The following GRM7 variants were observed in gnomAD, a reference collection of about 807,000 sequenced individuals.
GRM7 encodes metabotropic glutamate receptor 7.
In GRM7, 35 loss-of-function variants were observed where a neutral mutation model predicts 84.5. The ratio of observed to expected loss-of-function variants is 0.41; its 90% CI spans 0.32 to 0.55. The LOEUF is 0.55. GRM7 is among the 20% of genes least tolerant of loss of function. The probability of loss-of-function intolerance (pLI) is 0.19; values close to 1 mark genes in which losing one functional copy is unlikely to be tolerated. For synonymous variants in GRM7, 487 were observed against 455.1 expected (o/e 1.07, Z -0.89); for missense variants, 1,003 against 1,194.6 (o/e 0.84, Z 2.36).
At chr3:7,633,987 T>C (rs1697964871) in intron 8 of GRM7, among the ~76,000 whole-genome samples, 1 of 152,324 alleles carries the variant, frequency 6.6e-6, no homozygotes, top group Non-Finnish European at 1.5e-5. Flanking sequence ...TTCCTTTTGT[T>C]CACAAGATGC....
At chr3:6,972,912 G>T (rs1365596284) in intron 1 of GRM7, among the ~76,000 whole-genome samples, 1 of 152,170 alleles carries the variant, frequency 6.6e-6, no homozygotes, top group Non-Finnish European at 1.5e-5. Context: ...GAATCTCAGT[G>T]GCACATTTCT....
intron 1 of GRM7, among the ~76,000 whole-genome samples, chr3:6,953,874 T>G (rs1376894096): frequency 6.6e-6 from 1 of 152,048 alleles, no homozygotes. Flanking sequence ...TTATGAGAAT[T>G]AAATGAGATA....
At chr3:7,502,799 T>C (rs561845590) in intron 7 of GRM7, among the ~76,000 whole-genome samples, 2 of 152,300 alleles carry the variant, frequency 1.3e-5, no homozygotes, top group Admixed American at 6.5e-5. Context: ...ATATTAGTGA[T>C]AATAGGTTGT....
intron 1 of GRM7, among the ~76,000 whole-genome samples, chr3:6,987,156 C>A (rs567104596): frequency 6.6e-6 from 1 of 151,980 alleles, no homozygotes; most frequent in Non-Finnish European, 1.5e-5. Context: ...TTCTTCTAGC[C>A]TTCTGTGGTG....
At chr3:7,397,953 C>T (rs774578172) in intron 4 of GRM7, among the ~76,000 whole-genome samples, 12 of 151,990 alleles carry the variant, frequency 7.9e-5, no homozygotes, top group Non-Finnish European at 1.6e-4. Flanking sequence ...GGAGCCAAAA[C>T]GTGGATGCAC....
intron 1 of GRM7, among the ~76,000 whole-genome samples, chr3:6,927,483 AAG>A (rs1491406411): frequency 9.5e-6 from 1 of 105,110 alleles, no homozygotes; most frequent in Non-Finnish European, 2.3e-5. Flanking sequence ...GAAAGAAAGA[AAG>A]AAAGAAAGAA....
At chr3:6,892,335 G>A (rs569706346) in intron 1 of GRM7, among the ~76,000 whole-genome samples, 1 of 151,980 alleles carries the variant, frequency 6.6e-6, no homozygotes, top group South Asian at 2.1e-4. Context: ...CTCCTGTTGG[G>A]TCAGCGAGGC....
At chr3:7,052,546 T>A (rs1426567158) in intron 1 of GRM7, among the ~76,000 whole-genome samples, 1 of 151,494 alleles carries the variant, frequency 6.6e-6, no homozygotes, top group African/African-American at 2.4e-5. Flanking sequence ...TTGAATTTAA[T>A]CATCCCACCT....
At chr3:7,693,608 G>C (rs1238015285) in intron 9 of GRM7, 1 of 1,451,480 alleles carries the variant, frequency 6.9e-7, no homozygotes, top group African/African-American at 1.4e-5. Flanking sequence ...TCCAGACTGA[G>C]ACTTGAGCTG....
chr3:7,571,481 C>G (rs1200660674), intron 7 of GRM7, among the ~76,000 whole-genome samples: 5 of 152,190 alleles, frequency 3.3e-5, no homozygotes, highest in Non-Finnish European at 7.3e-5. Context: ...AGTCTCTTTG[C>G]TAAACCATAA....
intron 8 of GRM7, among the ~76,000 whole-genome samples, chr3:7,658,665 C>A (rs956003488): frequency 1.3e-5 from 2 of 152,156 alleles, no homozygotes; most frequent in Admixed American, 6.6e-5. Flanking sequence ...AATAAAGATT[C>A]TGTAAGTAGG....
At chr3:7,167,505 G>T (rs1443974320) in intron 2 of GRM7, among the ~76,000 whole-genome samples, 1 of 152,170 alleles carries the variant, frequency 6.6e-6, no homozygotes, top group Non-Finnish European at 1.5e-5. Context: ...TTAAAAGGGT[G>T]TTGGCCTGTG....
intron 4 of GRM7, among the ~76,000 whole-genome samples, chr3:7,373,844 C>G (rs1319480671): frequency 6.6e-6 from 1 of 152,168 alleles, no homozygotes; most frequent in African/African-American, 2.4e-5. Flanking sequence ...ATGGTAGCTA[C>G]CAGCCATGTG....
At chr3:6,908,590 C>T (rs1575000859) in intron 1 of GRM7, among the ~76,000 whole-genome samples, 1 of 152,162 alleles carries the variant, frequency 6.6e-6, no homozygotes, top group East Asian at 1.9e-4. Context: ...TGATTATCCA[C>T]TGGTCCACTC....
At chr3:7,717,277 A>C (rs1477799552) in intron 9 of GRM7, among the ~76,000 whole-genome samples, 3 of 152,340 alleles carry the variant, frequency 2.0e-5, no homozygotes, top group African/African-American at 7.2e-5. Context: ...ACTTCTTAAA[A>C]AAAATTAAAT....
At chr3:7,554,273 C>T (rs533359717) in intron 7 of GRM7, among the ~76,000 whole-genome samples, 7 of 152,306 alleles carry the variant, frequency 4.6e-5, no homozygotes, top group Middle Eastern at 3.4e-3. Context: ...AAAGTAGCCA[C>T]ATCACACTGG....
At chr3:7,670,083 C>T (rs970696666) in intron 8 of GRM7, among the ~76,000 whole-genome samples, 1 of 152,158 alleles carries the variant, frequency 6.6e-6, no homozygotes, top group Non-Finnish European at 1.5e-5. Context: ...AGACAACACA[C>T]GGCACATTAC....
At chr3:7,683,435 A>T (rs940359385) in intron 9 of GRM7, among the ~76,000 whole-genome samples, 1 of 152,182 alleles carries the variant, frequency 6.6e-6, no homozygotes, top group African/African-American at 2.4e-5. Flanking sequence ...AGATTTTTTT[A>T]AATTGCTTTA....
At chr3:7,289,587 A>C (rs570737764) in intron 2 of GRM7, among the ~76,000 whole-genome samples, 1 of 152,294 alleles carries the variant, frequency 6.6e-6, no homozygotes, top group Non-Finnish European at 1.5e-5. Context: ...TATTCACAAC[A>C]ACAAAGACTT....
Sources: gnomAD v4.1 joint callset for allele counts (sites outside exome capture counted in the v4.1 genomes callset) on GRCh38, gnomAD v4.1.1 for gene constraint, MANE v1.5 for transcripts, NCBI Gene and HGNC (gene_info 2026-07-23, HGNC 2026-07-21) for gene names.